Variants in PSMC3IP observed in about 807,000 individuals in gnomAD.
PSMC3IP encodes the protein PSMC3 interacting protein.
Under a neutral mutation model 34.9 loss-of-function variants are expected in PSMC3IP, and 26 were observed. That is an observed-to-expected ratio of 0.74 (90% confidence interval 0.55 to 1.03). The LOEUF (loss-of-function observed/expected upper bound fraction) is 1.03, where lower values mean the gene tolerates loss of function less well. PSMC3IP is among the 50% of genes least tolerant of loss of function. The probability of loss-of-function intolerance (pLI) is 0.00; values close to 1 mark genes in which losing one functional copy is unlikely to be tolerated. For missense variants in PSMC3IP, 250 were observed against 263.1 expected (o/e 0.95, Z 0.34); for synonymous variants, 87 against 96.5 (o/e 0.90, Z 0.57).
intron 3 of PSMC3IP, 170 bp downstream of exon 3, chr17:42,577,043 C>G: frequency 6.8e-7 from 1 of 1,468,950 alleles, no homozygotes; most frequent in Non-Finnish European, 9.1e-7. Flanking sequence ...ATCTGGAAAC[C>G]TCGTGAAGTT....
intron 3 of PSMC3IP, 50 bp from the exon 4 acceptor site, chr17:42,574,260 A>G: frequency 6.3e-7 from 1 of 1,587,224 alleles, no homozygotes. Context: ...AGGCACAAAG[A>G]TGGGAACACA....
chr17:42,577,506 C>T lies in PSMC3IP; in HGVS notation c.90G>A (p.Gln30=), dbSNP rs1305838911. The T allele has an allele frequency of 1.2e-6, 2 of 1,614,060 alleles. No homozygotes were observed. The highest frequency in any genetic ancestry group is 1.1e-5 in the South Asian group (1 of 91,094). The change falls in exon 2 of 8, where the codon CAG becomes CAA. Residue 30 remains glutamine (Q), a synonymous_variant. Coordinates refer to ENST00000393795, the MANE Select transcript of PSMC3IP (RefSeq NM_016556.4). ...LQEQNRPYSS[Q]DVFGNLQREH... ...CCCGCTGTAGGTTCCCGAACACATC[C>T]TGGGAGCTGTAGGGCCGGTTCTGCT... is the stretch of plus-strand genomic sequence containing the variant.
Position 42,572,710 on chromosome 17 carries a change from T to A in PSMC3IP, c.*258A>T. The stretch of plus-strand genomic sequence containing the variant: ...TAATAAATATTGCCAAATGCTTTCC[T>A]TTAGCATTGTTCCAAGTCTAAATGT... On this transcript the variant is annotated 3_prime_UTR_variant, in exon 8 of 8. Transcript: ENST00000393795. The A allele has an allele frequency of 1.7e-6, 1 of 583,976 alleles. No individual in the cohort carries two copies. The highest frequency in any genetic ancestry group is 3.2e-6 in the Non-Finnish European group (1 of 312,212). 36.2% of individuals were successfully genotyped at this position (583,976 alleles called of 1,614,324 possible). A position where few individuals can be genotyped will look rare whatever the true frequency, so the allele number is the denominator to read the frequency against.
At chr17:42,577,795 G>T, upstream of PSMC3IP, 2 of 1,354,978 alleles carry the variant, frequency 1.5e-6, no homozygotes, top group African/African-American at 1.4e-5. Context: ...TGAAGGGGAA[G>T]CCTTCCGGAG....
chr17:42,576,807 C>G (rs1476416880), intron 3 of PSMC3IP: 1 of 316,070 alleles, frequency 3.2e-6, no homozygotes, highest in African/African-American at 2.2e-5. Flanking sequence ...AGGCATTCTA[C>G]TGTGGCAATT....
At position 42,573,097 on chromosome 17, in the gene PSMC3IP, C is replaced by T. The variant is rs753397162; in HGVS notation, c.597+10G>A. 1 of 1,614,220 alleles carries T rather than the reference C, an allele frequency of 6.2e-7. No homozygotes were observed. Among genetic ancestry groups the T allele is most frequent in the Admixed American group, 1.7e-5 (1 of 60,022 alleles). Reference sequence around the variant, plus strand: ...ACAGGGAAGCAAAGAAGGAAGAGAGCTCCACTTACAAAGAACTGCTTCTTG... The same window carrying T: ...ACAGGGAAGCAAAGAAGGAAGAGAGTTCCACTTACAAAGAACTGCTTCTTG... On this transcript the variant is annotated intron_variant, in intron 7 of 7. Coordinates refer to ENST00000393795, the MANE Select transcript of PSMC3IP (RefSeq NM_016556.4).
chr17:42,576,135 A>T (rs2093074140), intron 3 of PSMC3IP, among the ~76,000 whole-genome samples: 1 of 152,276 alleles, frequency 6.6e-6, no homozygotes, highest in Non-Finnish European at 1.5e-5. Flanking sequence ...GAAATCCTCA[A>T]GGAAAGAAAG....
chr17:42,572,781 A>G lies in PSMC3IP; in HGVS notation c.*187T>C, dbSNP rs774129558. ...TTAGACAATGAAATGGGCTGGGTCTACCCCCAGCCACCAGCCCTCATCCTC... is the reference window on the plus strand; with the variant it reads ...TTAGACAATGAAATGGGCTGGGTCTGCCCCCAGCCACCAGCCCTCATCCTC... On this transcript the variant is annotated 3_prime_UTR_variant, in exon 8 of 8. Coordinates refer to ENST00000393795, the MANE Select transcript of PSMC3IP (RefSeq NM_016556.4). 4 of 722,714 alleles carry G rather than the reference A, an allele frequency of 5.5e-6. No individual in the cohort carries two copies. The highest frequency in any genetic ancestry group is 5.2e-5 in the African/African-American group (3 of 57,430). 44.8% of individuals were successfully genotyped at this position (722,714 alleles called of 1,614,324 possible).
At position 42,573,540 on chromosome 17, in the gene PSMC3IP, T is replaced by A; in HGVS notation, c.421A>T (p.Arg141Ter). Residue 141 changes from arginine to a stop codon, truncating the protein, a stop_gained, in exon 5 of 8, where the codon AGA becomes TGA. Coordinates refer to ENST00000393795, the MANE Select transcript of PSMC3IP (RefSeq NM_016556.4). LOFTEE classifies it high-confidence loss of function. The stretch of plus-strand genomic sequence containing the variant: ...GCTTTAATGTTCTTCAATCTCTCTC[T>A]GTAGCCAGCGCATTCCTTCTTTAAC... ...QELKKECAGY[R>*]ERLKNIKAAT... 1.9e-6 allele frequency: 3 copies of A among 1,614,224 alleles called. No homozygotes were observed. Among genetic ancestry groups the A allele is most frequent in the Non-Finnish European group, 2.5e-6 (3 of 1,180,040 alleles).
At chr17:42,574,256 A>G in intron 3 of PSMC3IP, 46 bp from the exon 4 acceptor site, 2 of 1,591,508 alleles carry the variant, frequency 1.3e-6, no homozygotes, top group Non-Finnish European at 1.7e-6. Context: ...TGTGAGGCAC[A>G]AAGATGGGAA....
chr17:42,576,624 C>T (rs914723166), intron 3 of PSMC3IP: 2 of 180,424 alleles, frequency 1.1e-5, no homozygotes, highest in African/African-American at 4.8e-5. Flanking sequence ...CACAGTAAGA[C>T]CCATCTCTAT....
At chr17:42,573,685 G>A (rs2093053131) in intron 4 of PSMC3IP, 62 bp from the exon 5 acceptor site, 20 of 1,592,214 alleles carry the variant, frequency 1.3e-5, no homozygotes, top group Non-Finnish European at 1.5e-5. Flanking sequence ...GTCTTTCCCA[G>A]TGGGTGCTCC....
Position 42,574,203 on chromosome 17 carries a change from A to G in PSMC3IP, c.233T>C (p.Phe78Ser), listed in dbSNP as rs1450988899. ...QKIYFADQDQFDMVSDADLQV... is the reference protein window; with the variant it reads ...QKIYFADQDQSDMVSDADLQV... ...AAGGTCAGCATCACTCACCATGTCA[A>G]ACTGGTCCTGCCAGACAAAGAGGGA... The change falls in exon 4 of 8, where the codon TTT (phenylalanine) becomes TCT (serine). Residue 78 changes from phenylalanine to serine, a missense_variant. Coordinates refer to ENST00000393795, the MANE Select transcript of PSMC3IP (RefSeq NM_016556.4). The G allele has an allele frequency of 1.9e-6, 3 of 1,613,902 alleles. No homozygotes were observed. The highest frequency in any genetic ancestry group is 2.5e-6 in the Non-Finnish European group (3 of 1,179,972).
chr17:42,573,388 C>A (rs771304518), intron 5 of PSMC3IP, 24 bp from the exon 6 acceptor site: 1 of 1,614,204 alleles, frequency 6.2e-7, no homozygotes, highest in South Asian at 1.1e-5. Flanking sequence ...GCAAGTTCCT[C>A]TAACTCCTCA....
In PSMC3IP at chr17:42,573,011, A is replaced by G. The variant is rs777488691; in HGVS notation, c.611T>C (p.Ile204Thr). 1.2e-6 allele frequency: 2 copies of G among 1,614,218 alleles called. No individual in the cohort carries two copies. Among genetic ancestry groups the G allele is most frequent in the Non-Finnish European group, 1.7e-6 (2 of 1,180,034 alleles). The change falls in exon 8 of 8, where the codon ATA becomes ACA. Residue 204 changes from isoleucine to threonine, a missense_variant. Coordinates refer to ENST00000393795, the MANE Select transcript of PSMC3IP (RefSeq NM_016556.4). ...GACGTTGTAATCTTCATCCGTCTCT[A>G]TCCCAACTTCCTCCTGTGAGACAGG... ...SKKQFFEEVGIETDEDYNVTL... is the reference protein window; with the variant it reads ...SKKQFFEEVGTETDEDYNVTL...
rs780415838 is a variant in PSMC3IP, at chr17:42,573,565, C to T, written c.396G>A (p.Glu132=). 6.2e-7 allele frequency: 1 copy of T among 1,614,098 alleles called. No individual in the cohort carries two copies. The highest frequency in any genetic ancestry group is 8.5e-7 in the Non-Finnish European group (1 of 1,179,982). ...TTPEMQKEIQ[E]LKKECAGYRE... Reference sequence around the variant, plus strand: ...TGTAGCCAGCGCATTCCTTCTTTAACTCCTGGATTTCTTTCTGCATCTCTG... The same window carrying T: ...TGTAGCCAGCGCATTCCTTCTTTAATTCCTGGATTTCTTTCTGCATCTCTG... The change falls in exon 5 of 8, where the codon GAG becomes GAA. Residue 132 remains glutamate, a synonymous_variant. Transcript: ENST00000393795.
At position 42,577,652 on chromosome 17, in the gene PSMC3IP, C is replaced by T. The variant is rs1387395209; in HGVS notation, c.34+1G>A. The T allele has an allele frequency of 4.3e-6, 7 of 1,614,166 alleles. No individual in the cohort carries two copies. The highest frequency in any genetic ancestry group is 5.9e-6 in the Non-Finnish European group (7 of 1,180,028). On this transcript the variant is annotated splice_donor_variant, in intron 1 of 7. Transcript: ENST00000393795. LOFTEE classifies it high-confidence loss of function. ...CTTCCCCGCGCCCACGGCGCCGTTACCTCCCGCCGCAGCTTCTGCCCGGCC... is the reference window on the plus strand; with the variant it reads ...CTTCCCCGCGCCCACGGCGCCGTTATCTCCCGCCGCAGCTTCTGCCCGGCC...
intron 3 of PSMC3IP, chr17:42,576,905 T>C: frequency 7.2e-6 from 3 of 415,830 alleles, no homozygotes; most frequent in Non-Finnish European, 8.9e-6. Flanking sequence ...GAGAATCGGA[T>C]GGAGGCAGGA....
chr17:42,577,736 G>A, upstream of PSMC3IP: 1 of 1,610,388 alleles, frequency 6.2e-7, no homozygotes, highest in Non-Finnish European at 8.5e-7. Flanking sequence ...AGTTGCTCGG[G>A]GCGACGGCTC....
Sources: gnomAD v4.1 joint callset for allele counts (sites outside exome capture counted in the v4.1 genomes callset) on GRCh38, gnomAD v4.1.1 for gene constraint, MANE v1.5 for transcripts, NCBI Gene and HGNC (gene_info 2026-07-23, HGNC 2026-07-21) for gene names.